DPYSL3: variants seen among roughly 807,000 people sequenced by gnomAD.
The protein encoded by DPYSL3 is dihydropyrimidinase-related protein 3.
A neutral mutation model predicts 66.1 loss-of-function variants in DPYSL3; 16 were observed. That is an observed-to-expected ratio of 0.24 (90% CI 0.16 to 0.37). The LOEUF (loss-of-function observed/expected upper bound fraction) is 0.37, where lower values mean the gene tolerates loss of function less well. Among genes scored for constraint, DPYSL3 ranks in the 10% least tolerant of loss-of-function variants. DPYSL3 has a pLI of 1.00. For synonymous variants in DPYSL3, 338 were observed against 345.1 expected, an observed-to-expected ratio of 0.98 and a Z score of 0.23; for missense variants, 738 against 916.2, an observed-to-expected ratio of 0.81 and a Z score of 2.51.
chr5:147,434,089 C>T (rs1178907554), intron 1 of DPYSL3, among the ~76,000 whole-genome samples: 2 of 151,728 alleles, frequency 1.3e-5, no homozygotes, highest in African/African-American at 4.8e-5. Context: ...GCTCCTACCA[C>T]CTTGCTACAA....
At chr5:147,454,656 GAGT>G (rs1752812978) in intron 1 of DPYSL3, among the ~76,000 whole-genome samples, 1 of 152,200 alleles carries the variant, frequency 6.6e-6, no homozygotes, top group South Asian at 2.1e-4. Flanking sequence ...CATGGATTTG[GAGT>G]AGAACTGCTA....
At chr5:147,430,538 A>G (rs1752294928) in intron 1 of DPYSL3, among the ~76,000 whole-genome samples, 1 of 151,492 alleles carries the variant, frequency 6.6e-6, no homozygotes, top group Non-Finnish European at 1.5e-5. Flanking sequence ...AAAAAAGGAA[A>G]AAGAAAAAAG....
chr5:147,488,842 C>T (rs1449541463), intron 1 of DPYSL3, among the ~76,000 whole-genome samples: 2 of 152,058 alleles, frequency 1.3e-5, no homozygotes, highest in Non-Finnish European at 2.9e-5. Context: ...TGGCAAAACC[C>T]TGTCTCTACT....
At chr5:147,440,960 C>T (rs1443016970) in intron 1 of DPYSL3, among the ~76,000 whole-genome samples, 1 of 151,982 alleles carries the variant, frequency 6.6e-6, no homozygotes, top group Admixed American at 6.5e-5. Flanking sequence ...TTCAATTTCC[C>T]CATTTGTAAA....
chr5:147,457,845 C>T (rs76063473), intron 1 of DPYSL3, among the ~76,000 whole-genome samples: 5,426 of 152,252 alleles, frequency 0.036, 331 homozygotes, highest in African/African-American at 0.12. Context: ...AGACTGGTTC[C>T]TCCACAGTCA....
chr5:147,396,512 G>A (rs1422941248), intron 12 of DPYSL3, among the ~76,000 whole-genome samples: 1 of 152,190 alleles, frequency 6.6e-6, no homozygotes, highest in African/African-American at 2.4e-5. Context: ...GCTGCCAGAG[G>A]AGCCTGACCG....
At chr5:147,501,325 C>G (rs1279294002) in intron 1 of DPYSL3, among the ~76,000 whole-genome samples, 1 of 151,894 alleles carries the variant, frequency 6.6e-6, no homozygotes, top group Non-Finnish European at 1.5e-5. Context: ...GAATGATGAA[C>G]AGAGAGAGCA....
intron 1 of DPYSL3, among the ~76,000 whole-genome samples, chr5:147,432,286 G>A (rs935303429): frequency 6.6e-6 from 1 of 152,170 alleles, no homozygotes; most frequent in Non-Finnish European, 1.5e-5. Context: ...ACAGACACAA[G>A]GTAGGAAAAA....
At chr5:147,417,753 C>T (rs1751999450) in intron 3 of DPYSL3, among the ~76,000 whole-genome samples, 1 of 151,874 alleles carries the variant, frequency 6.6e-6, no homozygotes, top group African/African-American at 2.4e-5. Context: ...AAAAACAAAA[C>T]AAAACAAAAT....
chr5:147,506,471 C>G (rs936166442), intron 1 of DPYSL3, among the ~76,000 whole-genome samples: 2 of 152,010 alleles, frequency 1.3e-5, no homozygotes, highest in Non-Finnish European at 2.9e-5. Flanking sequence ...ATGGTCATAT[C>G]CCATCTGAAG....
chr5:147,446,086 C>G (rs1329260861), intron 1 of DPYSL3, among the ~76,000 whole-genome samples: 2 of 152,212 alleles, frequency 1.3e-5, no homozygotes, highest in African/African-American at 4.8e-5. Flanking sequence ...TTTCTCCCTA[C>G]TCTCTTTTCC....
chr5:147,475,425 A>C (rs961763242), intron 1 of DPYSL3, among the ~76,000 whole-genome samples: 3 of 152,134 alleles, frequency 2.0e-5, no homozygotes, highest in Admixed American at 6.5e-5. Context: ...GCACTTCAAA[A>C]GCAAAGCTAA....
chr5:147,442,764 AATATATTGTGCAATGAAAAGTAAGGC>A (rs1354537085), intron 1 of DPYSL3, among the ~76,000 whole-genome samples: 2 of 152,022 alleles, frequency 1.3e-5, no homozygotes, highest in Non-Finnish European at 2.9e-5. Flanking sequence ...AAGATGTCGT[AATATATTGTGCAATGAAAAGTAAGGC>A]ATAAAACAGC....
chr5:147,445,462 G>C (rs1167359928), intron 1 of DPYSL3, among the ~76,000 whole-genome samples: 1 of 152,196 alleles, frequency 6.6e-6, no homozygotes, highest in Non-Finnish European at 1.5e-5. Flanking sequence ...CTTCTCTCTT[G>C]AAATCATTCC....
At chr5:147,416,540 C>A (rs1436325139) in intron 3 of DPYSL3, among the ~76,000 whole-genome samples, 1 of 152,112 alleles carries the variant, frequency 6.6e-6, no homozygotes, top group Non-Finnish European at 1.5e-5. Context: ...ATGGCATCTA[C>A]AGTTGATGAA....
intron 2 of DPYSL3, among the ~76,000 whole-genome samples, chr5:147,422,261 T>C (rs113071144): frequency 0.051 from 7,768 of 152,232 alleles, 477 homozygotes; most frequent in East Asian, 0.16. Flanking sequence ...AGCTCATCAT[T>C]ACTGGTCACT....
In DPYSL3 at chr5:147,471,797, A is replaced by G. The variant is rs151114091; in HGVS notation, c.381+37681T>C. Among the ~76,000 whole-genome samples the G allele has an allele frequency of 8.6e-3, 1,309 of 152,316 alleles. 16 individuals are homozygous for G. The highest frequency in any genetic ancestry group is 0.03 in the African/African-American group (1,236 of 41,568). On this transcript the variant is annotated intron_variant, in intron 1 of 13. Transcript: ENST00000343218. ...GTGTCAACTTTAGGATAGAAACTCT[A>G]TAACAAGAGCGTGAGAGAATAGATT...
rs568190171 is a variant in DPYSL3 at position 147,397,898 on chromosome 5, G to T, written c.1624-53C>A. 1,003 of 830,916 alleles carry T rather than the reference G, an allele frequency of 1.2e-3. 15 individuals carry two copies. In the South Asian group the frequency reaches 0.018, roughly 15 times the overall value. 51.5% of individuals were successfully genotyped at this position (830,916 alleles called of 1,614,324 possible). ...ACAGTAAGGGTAGAGAAAGAGGAACGTACCTTCTCTCCTTGAGACCTTCAG... is the reference window on the plus strand; with the variant it reads ...ACAGTAAGGGTAGAGAAAGAGGAACTTACCTTCTCTCCTTGAGACCTTCAG... On this transcript the variant is annotated intron_variant, in intron 11 of 13. Coordinates refer to ENST00000343218, the MANE Select transcript of DPYSL3 (RefSeq NM_001197294.2).
At chr5:147,442,382 A>C (rs1490064114) in intron 1 of DPYSL3, among the ~76,000 whole-genome samples, 1 of 152,232 alleles carries the variant, frequency 6.6e-6, no homozygotes, top group African/African-American at 2.4e-5. Context: ...TGCTCATTCA[A>C]GAGCGGGAGG....
Sources: allele counts gnomAD v4.1 joint callset (sites outside exome capture counted in the v4.1 genomes callset), GRCh38; gene constraint gnomAD v4.1.1; transcripts MANE v1.5; gene names NCBI Gene and HGNC (gene_info 2026-07-23, HGNC 2026-07-21).